SF3A3: variants seen among roughly 807,000 people sequenced by gnomAD.
The protein encoded by SF3A3 is SAP 61.
Under a neutral mutation model 85.8 loss-of-function variants are expected in SF3A3, and 9 were observed. The observed-to-expected ratio is 0.10, with a 90% CI of 0.06 to 0.18. The LOEUF (loss-of-function observed/expected upper bound fraction) is 0.18, where lower values mean the gene tolerates loss of function less well. Among genes scored for constraint, SF3A3 ranks in the 10% least tolerant of loss-of-function variants. SF3A3 has a pLI of 1.00. For missense variants in SF3A3, 306 were observed against 593.3 expected (o/e 0.52, Z 5.03); for synonymous variants, 195 against 204.4 (o/e 0.95, Z 0.39).
chr1:37,980,952 C>T (rs957134044), intron 7 of SF3A3, among the ~76,000 whole-genome samples: 1 of 147,320 alleles, frequency 6.8e-6, no homozygotes, highest in African/African-American at 2.5e-5. Flanking sequence ...CGGGTTAAAG[C>T]GATTCTCCTG....
At chr1:37,974,424 T>A (rs1305526246) in intron 12 of SF3A3, among the ~76,000 whole-genome samples, 1 of 151,034 alleles carries the variant, frequency 6.6e-6, no homozygotes, top group Non-Finnish European at 1.5e-5. Context: ...TGCCTCAGCC[T>A]CCCGAGTAGC....
intron 15 of SF3A3, among the ~76,000 whole-genome samples, chr1:37,961,216 T>C (rs1230024266): frequency 1.3e-5 from 2 of 152,160 alleles, no homozygotes; most frequent in Admixed American, 6.6e-5. Context: ...CAATATATGA[T>C]AAAATGCTTA....
chr1:37,965,260 G>A (rs1042960400), intron 15 of SF3A3, among the ~76,000 whole-genome samples: 1 of 124,962 alleles, frequency 8.0e-6, no homozygotes, highest in African/African-American at 3.1e-5. Context: ...CAGCCCAGGA[G>A]TTTGAGACCA....
At chr1:37,969,120 C>A (rs1276420905) in intron 14 of SF3A3, among the ~76,000 whole-genome samples, 1 of 152,040 alleles carries the variant, frequency 6.6e-6, no homozygotes, top group African/African-American at 2.4e-5. Flanking sequence ...CAAGAGAAAA[C>A]CAAATAAGGT....
intron 6 of SF3A3, among the ~76,000 whole-genome samples, chr1:37,983,788 T>C (rs187303134): frequency 1.3e-5 from 2 of 151,334 alleles, no homozygotes; most frequent in Admixed American, 1.3e-4. Context: ...AGACAAAAAT[T>C]AGCCAAGTGT....
intron 12 of SF3A3, among the ~76,000 whole-genome samples, chr1:37,975,931 C>T (rs748144991): frequency 2.1e-4 from 32 of 152,058 alleles, no homozygotes; most frequent in African/African-American, 5.6e-4. Flanking sequence ...CCGAGGCAAG[C>T]GGATCACGAG....
rs371317065 is a variant in SF3A3, at chr1:37,983,586, C to CAAAA, written c.468+579_468+582dup. Among the ~76,000 whole-genome samples the CAAAA allele has an allele frequency of 3.4e-4, 13 of 38,468 alleles. 1 individual carries two copies. The highest frequency in any genetic ancestry group is 1.4e-3 in the Admixed American group (3 of 2,220). The allele number at this position is 38,468 out of a possible 152,430, so 25.2% of individuals were successfully genotyped here. A position where few individuals can be genotyped will look rare whatever the true frequency, so the allele number is the denominator to read the frequency against. ...TGGGTGACAAAGTGAGACCCTGTCT[C>CAAAA]AAAAAAAAAAAAAAAAAAAAAAGAT... On this transcript the variant is annotated intron_variant, in intron 6 of 16. Transcript: ENST00000373019.
chr1:37,975,640 C>A (rs565949574), intron 12 of SF3A3, among the ~76,000 whole-genome samples: 3 of 152,184 alleles, frequency 2.0e-5, no homozygotes, highest in Non-Finnish European at 2.9e-5. Flanking sequence ...AAGTTCACAG[C>A]GGAGAATATA....
At chr1:37,989,418 G>A in intron 2 of SF3A3, 130 bp downstream of exon 2, 1 of 912,716 alleles carries the variant, frequency 1.1e-6, no homozygotes, top group Non-Finnish European at 1.7e-6. Context: ...CATCTGTCCA[G>A]GCAGAGAGCC....
Position 37,989,961 on chromosome 1 carries a change from T to A in SF3A3, c.5A>T (p.Glu2Val). The change falls in exon 1 of 17, where the codon GAG (glutamate) becomes GTG (valine). Residue 2 changes from glutamate to valine, a missense_variant. Physicochemically the swap from Glu to Val is moderately radical, Grantham distance 121. Coordinates refer to ENST00000373019, the MANE Select transcript of SF3A3 (RefSeq NM_006802.4). ...GCGCCGCTGCTGCTCCAGTATTGTCTCCATCTTCCCTTAGTCGCGGCTTCT... is the reference window on the plus strand; with the variant it reads ...GCGCCGCTGCTGCTCCAGTATTGTCACCATCTTCCCTTAGTCGCGGCTTCT... M[E>V]TILEQQRRYH... 6.2e-7 allele frequency: 1 copy of A among 1,610,100 alleles called. No homozygotes were observed. Among genetic ancestry groups the A allele is most frequent in the African/African-American group, 1.3e-5 (1 of 74,990 alleles).
intron 15 of SF3A3, among the ~76,000 whole-genome samples, chr1:37,964,086 G>C (rs1646281416): frequency 6.6e-6 from 1 of 151,948 alleles, no homozygotes; most frequent in Non-Finnish European, 1.5e-5. Flanking sequence ...GGCTGAGACA[G>C]AAGAATCGCT....
chr1:37,969,649 G>A lies in SF3A3; in HGVS notation c.1092C>T (p.Ile364=). The A allele has an allele frequency of 6.2e-7, 1 of 1,613,820 alleles. No homozygotes were observed. Among genetic ancestry groups the A allele is most frequent in the Non-Finnish European group, 8.5e-7 (1 of 1,179,712 alleles). The change falls in exon 13 of 17, where the codon ATC becomes ATT. Residue 364 remains isoleucine, a synonymous_variant. Transcript: ENST00000373019. ...EEREEEEEEQ[I]SESESEDEEN... is the part of the protein sequence containing the mutation. ...CTTCATCTTCACTCTCACTCTCACTGATCTGCTCTTCTTCCTCTTCTTCTC... is the reference window on the plus strand; with the variant it reads ...CTTCATCTTCACTCTCACTCTCACTAATCTGCTCTTCTTCCTCTTCTTCTC...
At chr1:37,963,872 TAAA>T (rs771447218) in intron 15 of SF3A3, among the ~76,000 whole-genome samples, 2 of 81,832 alleles carry the variant, frequency 2.4e-5, no homozygotes, top group Non-Finnish European at 4.3e-5. Context: ...ATGATATTCT[TAAA>T]AAAAAAAAAA....
At position 37,984,189 on chromosome 1, in the gene SF3A3, T is replaced by C. The variant is rs765547947; in HGVS notation, c.448A>G (p.Ile150Val). Residue 150 changes from isoleucine (I) to valine (V), a missense_variant, in exon 6 of 17, where the codon ATT becomes GTT. Physicochemically the swap from Ile to Val is conservative, Grantham distance 29. This residue lies in a region of SF3A3 where 152 missense variants were observed against 192.0 expected (regional missense o/e 0.79). Transcript: ENST00000373019. ...LDLHDCYLKYINLKASEKLDY... is the reference protein window; with the variant it reads ...LDLHDCYLKYVNLKASEKLDY... ...CTTACCTCAGATGCCTTCAGGTTAA[T>C]GTACTTGAGGTAACAGTCATGGAGA... 5 of 1,605,496 alleles carry C rather than the reference T, an allele frequency of 3.1e-6. No individual in the cohort carries two copies. Among genetic ancestry groups the C allele is most frequent in the African/African-American group, 1.3e-5 (1 of 74,802 alleles).
At chr1:37,973,792 T>G (rs1370644324) in intron 12 of SF3A3, among the ~76,000 whole-genome samples, 1 of 152,186 alleles carries the variant, frequency 6.6e-6, no homozygotes, top group Non-Finnish European at 1.5e-5. Flanking sequence ...TTACGTTTAT[T>G]GCAGCACTAG....
At chr1:37,984,813 T>C (rs1646443935) in intron 4 of SF3A3, 34 bp from the exon 5 acceptor site, 1 of 1,577,762 alleles carries the variant, frequency 6.3e-7, no homozygotes. Context: ...GGTGGATTTT[T>C]CTTTTTGCTT....
Position 37,989,612 on chromosome 1 carries a change from T to A in SF3A3, c.97-17A>T. 4.3e-6 allele frequency: 7 copies of A among 1,613,288 alleles called. No individual in the cohort carries two copies. The highest frequency in any genetic ancestry group is 5.1e-6 in the Non-Finnish European group (6 of 1,179,674). ...GTCCCGGAGCTGAAAAAACAAACGG[T>A]GACACAAACGCCGTTAGTTTGCGTT... On this transcript the variant is annotated splice_polypyrimidine_tract_variant and intron_variant, in intron 1 of 16. Coordinates refer to ENST00000373019, the MANE Select transcript of SF3A3 (RefSeq NM_006802.4).
intron 12 of SF3A3, among the ~76,000 whole-genome samples, chr1:37,976,301 A>G (rs906317850): frequency 1.3e-5 from 2 of 151,374 alleles, no homozygotes; most frequent in South Asian, 2.1e-4. Context: ...TTTTCCTCCT[A>G]CTCCTCTCCC....
intron 2 of SF3A3, among the ~76,000 whole-genome samples, chr1:37,989,049 T>C (rs1367856131): frequency 6.6e-6 from 1 of 152,012 alleles, no homozygotes; most frequent in East Asian, 1.9e-4. Flanking sequence ...CTCAGCACTT[T>C]GGGAGGCCGA....
Sources: gnomAD v4.1 joint callset for allele counts (sites outside exome capture counted in the v4.1 genomes callset) on GRCh38, gnomAD v4.1.1 for gene constraint, gnomAD v4.1.1 regional missense constraint, MANE v1.5 for transcripts, NCBI Gene and HGNC (gene_info 2026-07-23, HGNC 2026-07-21) for gene names.